Variants in ARMC2 observed in about 807,000 individuals in gnomAD.
ARMC2 encodes the protein armadillo repeat-containing protein 2.
Under a neutral mutation model 90.3 loss-of-function variants are expected in ARMC2, and 67 were observed. The ratio of observed to expected loss-of-function variants is 0.74; its 90% CI spans 0.61 to 0.91. The LOEUF (loss-of-function observed/expected upper bound fraction) is 0.91. Ranked by LOEUF, ARMC2 falls within the 40% of genes least tolerant of loss-of-function variation. The pLI, the probability that ARMC2 is intolerant of heterozygous loss-of-function variation, is 0.00. For missense variants in ARMC2, 920 were observed against 1,030.9 expected (o/e 0.89, Z 1.47); for synonymous variants, 393 against 393.0 (o/e 1.00, Z 0.00).
the ARMC2 span, among the ~76,000 whole-genome samples, chr6:109,032,171 T>C: frequency 5.3e-5 from 8 of 150,056 alleles, no homozygotes; most frequent in South Asian, 2.1e-4. Context: ...ATTCGGGAGG[T>C]TGAGGCAGGA....
intron 8 of ARMC2, among the ~76,000 whole-genome samples, chr6:108,908,201 A>G (rs1414496611): frequency 3.3e-5 from 5 of 152,080 alleles, no homozygotes; most frequent in Admixed American, 1.3e-4. Context: ...TGGTTCTGTG[A>G]CCTATCTGAG....
At chr6:108,853,183 A>G (rs1774175491) in intron 1 of ARMC2, among the ~76,000 whole-genome samples, 2 of 152,282 alleles carry the variant, frequency 1.3e-5, no homozygotes, top group South Asian at 2.1e-4. Flanking sequence ...AGTATGACAT[A>G]TTGTTTATAG....
chr6:108,911,084 T>C, intron 9 of ARMC2, 83 bp downstream of exon 9: 1 of 810,654 alleles, frequency 1.2e-6, no homozygotes. Context: ...ATATAATCAA[T>C]GATAGCAAGA....
chr6:108,868,923 G>A lies in ARMC2; in HGVS notation c.391G>A (p.Ala131Thr), dbSNP rs140505039. 1.4e-5 allele frequency: 23 copies of A among 1,613,806 alleles called. No individual in the cohort carries two copies. Among genetic ancestry groups the A allele is most frequent in the Admixed American group, 3.3e-5 (2 of 60,000 alleles). ...DPAKIRRVSN[A>T]RARLFRAASQ... ...TGCGAAGATTAGAAGAGTAAGCAAC[G>A]CCAGGGCTCGCTTATTCAGGGCTGC... is the stretch of plus-strand genomic sequence containing the variant. Residue 131 changes from alanine to threonine, a missense_variant, in exon 4 of 18, where the codon GCC becomes ACC. Physicochemically the swap from Ala to Thr is moderately conservative, Grantham distance 58. Coordinates refer to ENST00000392644, the MANE Select transcript of ARMC2 (RefSeq NM_032131.6).
At chr6:108,959,662 T>A (rs1045448859) in intron 13 of ARMC2, 3 of 152,072 alleles carry the variant, frequency 2.0e-5, no homozygotes, top group Non-Finnish European at 4.4e-5. Flanking sequence ...ATTGCCCAGC[T>A]CTTTTTTATT....
rs529747910 is a variant in ARMC2, at chr6:108,866,350, A to G, written c.292-2474A>G. Among the ~76,000 whole-genome samples, 6 of 152,362 alleles carry G rather than the reference A, an allele frequency of 3.9e-5. No individual in the cohort carries two copies. The East Asian group carries it at 5.8e-4, about 15-fold the overall frequency. On this transcript the variant is annotated intron_variant, in intron 3 of 17. Transcript: ENST00000392644. ...CAACAAAGTGGGGAGGCTAAAAAGT[A>G]AAGTGATTACTTGTTAAACAAATAT...
chr6:108,988,776 G>GTA, the ARMC2 span: 1 of 1,041,178 alleles, frequency 9.6e-7, no homozygotes, highest in Non-Finnish European at 1.3e-6. Context: ...AGTTAATACT[G>GTA]TATTTTTTCT....
At chr6:108,960,174 C>T (rs973348022) in intron 13 of ARMC2, among the ~76,000 whole-genome samples, 5 of 152,194 alleles carry the variant, frequency 3.3e-5, no homozygotes, top group African/African-American at 1.2e-4. Context: ...TTATTTCAGA[C>T]AATGTGGTCA....
the ARMC2 span, among the ~76,000 whole-genome samples, chr6:109,016,038 A>G: frequency 1.3e-5 from 2 of 152,194 alleles, no homozygotes; most frequent in Non-Finnish European, 2.9e-5. Context: ...ACCAAACCTA[A>G]TATCTTTAAC....
chr6:108,956,943 G>A (rs1443064001), intron 13 of ARMC2, among the ~76,000 whole-genome samples: 1 of 152,214 alleles, frequency 6.6e-6, no homozygotes, highest in Admixed American at 6.5e-5. Context: ...AGTGAGCCAA[G>A]ATCGTACTGT....
the ARMC2 span, among the ~76,000 whole-genome samples, chr6:109,040,935 A>G: frequency 5.3e-5 from 8 of 152,006 alleles, no homozygotes; most frequent in South Asian, 1.7e-3. Context: ...TACAGGCGTG[A>G]GCCACCGCAC....
At chr6:108,867,161 C>A (rs1039211866) in intron 3 of ARMC2, among the ~76,000 whole-genome samples, 2 of 152,162 alleles carry the variant, frequency 1.3e-5, no homozygotes, top group African/African-American at 4.8e-5. Flanking sequence ...AAAACACTTG[C>A]TGCCATAAGG....
rs542838397 is a variant in ARMC2 at position 108,857,873 on chromosome 6, CAT to C, written c.219-325_219-324del. 4.4e-3 allele frequency among the ~76,000 whole-genome samples: 669 copies of C among 152,208 alleles called. 1 individual carries two copies. The highest frequency in any genetic ancestry group is 0.016 in the African/African-American group (647 of 41,540). ...CAAAATTCCTAAAAGTAATTACAAA[CAT>C]TGGTTCAGGAAGTTACTTTGGAATG... On this transcript the variant is annotated intron_variant, in intron 2 of 17. Coordinates refer to ENST00000392644, the MANE Select transcript of ARMC2 (RefSeq NM_032131.6).
At chr6:108,860,602 C>G (rs9386757) in intron 3 of ARMC2, among the ~76,000 whole-genome samples, 1 of 145,830 alleles carries the variant, frequency 6.9e-6, no homozygotes, top group Non-Finnish European at 1.5e-5. Flanking sequence ...GCGGAGCTTG[C>G]AGTGAGCCGA....
At chr6:108,875,951 T>C (rs1776887670) in intron 4 of ARMC2, among the ~76,000 whole-genome samples, 192 bp from the exon 5 acceptor site, 1 of 152,282 alleles carries the variant, frequency 6.6e-6, no homozygotes, top group Middle Eastern at 3.4e-3. Flanking sequence ...CCTGCAGAAT[T>C]GATGGTGCCA....
At chr6:108,893,881 G>T (rs1483757040) in intron 5 of ARMC2, among the ~76,000 whole-genome samples, 1 of 152,210 alleles carries the variant, frequency 6.6e-6, no homozygotes, top group Non-Finnish European at 1.5e-5. Context: ...ATCCGGGCAT[G>T]GTGGCATGTG....
the ARMC2 span, among the ~76,000 whole-genome samples, chr6:109,012,970 G>T: frequency 1.4e-4 from 22 of 152,056 alleles, no homozygotes; most frequent in African/African-American, 5.3e-4. Context: ...AAAAAAATTA[G>T]CTGGGCGTGG....
chr6:108,854,563 T>A, intron 2 of ARMC2, 78 bp downstream of exon 2: 1 of 1,389,894 alleles, frequency 7.2e-7, no homozygotes, highest in Non-Finnish European at 1.0e-6. Context: ...TACTTAAGGT[T>A]AGCTTTTAAA....
chr6:108,987,721 C>T, the ARMC2 span: 8 of 661,350 alleles, frequency 1.2e-5, no homozygotes, highest in African/African-American at 1.1e-4. Flanking sequence ...AAAATAAGTA[C>T]ACTTCCTACA....
Sources: gnomAD v4.1 joint callset for allele counts (sites outside exome capture counted in the v4.1 genomes callset) on GRCh38, gnomAD v4.1.1 for gene constraint, MANE v1.5 for transcripts, NCBI Gene and HGNC (gene_info 2026-07-23, HGNC 2026-07-21) for gene names.